The following SFTPB variants were observed in gnomAD, a reference collection of about 807,000 sequenced individuals.
The protein encoded by SFTPB is pulmonary surfactant-associated protein B.
Under a neutral mutation model 51.0 loss-of-function variants are expected in SFTPB, and 32 were observed. That is an observed-to-expected ratio of 0.63 (90% CI 0.47 to 0.84). SFTPB has a LOEUF of 0.84. Among genes scored for constraint, SFTPB ranks in the 40% least tolerant of loss-of-function variants. SFTPB has a pLI of 0.00. For missense variants in SFTPB, 431 were observed against 491.2 expected (o/e 0.88, Z 1.16); for synonymous variants, 211 against 208.5 (o/e 1.01, Z -0.10).
At chr2:85,660,756 T>TAA (rs1177118699) in intron 10 of SFTPB, among the ~76,000 whole-genome samples, 1 of 152,290 alleles carries the variant, frequency 6.6e-6, no homozygotes, top group East Asian at 1.9e-4. Flanking sequence ...TGCCTGGCCT[T>TAA]ACATTTTTTA....
intron 10 of SFTPB, among the ~76,000 whole-genome samples, chr2:85,660,845 C>T (rs1252072706): frequency 6.6e-6 from 1 of 152,180 alleles, no homozygotes; most frequent in African/African-American, 2.4e-5. Context: ...GCCAAGCTTG[C>T]TCTCAAGGTC....
chr2:85,660,598 T>G (rs1446640835), intron 10 of SFTPB, among the ~76,000 whole-genome samples: 1 of 151,972 alleles, frequency 6.6e-6, no homozygotes, highest in Non-Finnish European at 1.5e-5. Context: ...TACAGGCACC[T>G]GCCACCATGC....
chr2:85,662,421 C>T, intron 8 of SFTPB: 1 of 626,918 alleles, frequency 1.6e-6, no homozygotes, highest in Non-Finnish European at 2.4e-6. Flanking sequence ...TCATCTGGTC[C>T]TTGAGACCAG....
intron 4 of SFTPB, 51 bp from the exon 5 acceptor site, chr2:85,665,845 C>T (rs765630139): frequency 1.3e-6 from 2 of 1,583,470 alleles, no homozygotes; most frequent in Admixed American, 3.4e-5. Context: ...GGAAGCCCAC[C>T]CCTATTCAGG....
Position 85,657,441 on chromosome 2 carries a change from C to G in SFTPB, c.*2261G>C, listed in dbSNP as rs1391172295. On this transcript the variant is annotated 3_prime_UTR_variant, in exon 11 of 11. Coordinates refer to ENST00000519937, the MANE Select transcript of SFTPB (RefSeq NM_000542.5). ...TAGTTAGCTATAGATTTACAAATGT[C>G]TACTTAAAATCCAGGAGCCAATGAA... The G allele has an allele frequency of 6.6e-6, 1 of 152,108 alleles. No individual in the cohort carries two copies. The highest frequency in any genetic ancestry group is 1.5e-5 in the Non-Finnish European group (1 of 68,008). The allele number at this position is 152,108 out of a possible 1,614,324, so 9.4% of individuals were successfully genotyped here.
chr2:85,666,488 G>A, intron 4 of SFTPB, 129 bp downstream of exon 4: 1 of 881,912 alleles, frequency 1.1e-6, no homozygotes, highest in South Asian at 1.6e-5. Context: ...TGGCCGGCTT[G>A]GGTGCTGTGT....
intron 3 of SFTPB, 46 bp from the exon 4 acceptor site, chr2:85,666,788 C>T: frequency 6.2e-7 from 1 of 1,612,598 alleles, no homozygotes; most frequent in Non-Finnish European, 8.5e-7. Flanking sequence ...CTGAGGTCTA[C>T]CCCGCCCAAG....
chr2:85,663,995 G>A (rs1279422918), intron 6 of SFTPB, 148 bp from the exon 7 acceptor site: 14 of 763,100 alleles, frequency 1.8e-5, no homozygotes, highest in Non-Finnish European at 2.7e-5. Context: ...AGGACACTGG[G>A]GATCAGAGAG....
chr2:85,663,986 G>A (rs1036282346), intron 6 of SFTPB, 139 bp from the exon 7 acceptor site: 19 of 800,186 alleles, frequency 2.4e-5, no homozygotes, highest in Non-Finnish European at 3.2e-5. Context: ...TCACAAATAA[G>A]GACACTGGGG....
chr2:85,662,365 T>G, intron 8 of SFTPB: 1 of 1,142,248 alleles, frequency 8.8e-7, no homozygotes, highest in Non-Finnish European at 1.2e-6. Flanking sequence ...GCCACCACCC[T>G]CCCCTCCCTC....
rs1305696151 is a variant in SFTPB at position 85,662,363 on chromosome 2, C to T, written c.1003-254G>A. On this transcript the variant is annotated intron_variant, in intron 8 of 10. Coordinates refer to ENST00000519937, the MANE Select transcript of SFTPB (RefSeq NM_000542.5). ...AGAGGGGTGGAATCTCAGCCACCACCCTCCCCTCCCTCCACCTCCATTTCA... is the reference window on the plus strand; with the variant it reads ...AGAGGGGTGGAATCTCAGCCACCACTCTCCCCTCCCTCCACCTCCATTTCA... 12 of 1,144,668 alleles carry T rather than the reference C, an allele frequency of 1.0e-5. No homozygotes were observed. The East Asian group carries it at 2.6e-4, about 25-fold the overall frequency. 70.9% of individuals were successfully genotyped at this position (1,144,668 alleles called of 1,614,324 possible). A position where few individuals can be genotyped will look rare whatever the true frequency, so the allele number is the denominator to read the frequency against.
Position 85,662,104 on chromosome 2 carries a change from C to G in SFTPB, c.1008G>C (p.Lys336Asn). ...VGSWLDREKC[K>N]QFVEQHTPQL... is the part of the protein sequence containing the mutation. ...GGGGCGTGTGCTGCTCCACAAATTG[C>G]TTGCACTGAGGAAGGAGACACACAG... The change falls in exon 9 of 11, where the codon AAG becomes AAC. Residue 336 changes from lysine (K) to asparagine (N), a missense_variant. Transcript: ENST00000519937. 6.2e-7 allele frequency: 1 copy of G among 1,600,714 alleles called. No individual in the cohort carries two copies. The highest frequency in any genetic ancestry group is 1.3e-5 in the African/African-American group (1 of 75,006).
chr2:85,666,391 C>CGTTG (rs1677614767), intron 4 of SFTPB: 1 of 311,308 alleles, frequency 3.2e-6, no homozygotes, highest in African/African-American at 3.2e-5. Flanking sequence ...AGCTGGGGTA[C>CGTTG]TGTGTGTGTG....
At chr2:85,663,159 G>A (rs1476182866) in intron 8 of SFTPB, among the ~76,000 whole-genome samples, 187 bp downstream of exon 8, 2 of 152,216 alleles carry the variant, frequency 1.3e-5, no homozygotes, top group East Asian at 1.9e-4. Flanking sequence ...GTCCAGAGGC[G>A]ACTCCTAACC....
chr2:85,663,240 C>T, intron 8 of SFTPB, 106 bp downstream of exon 8: 1 of 1,458,972 alleles, frequency 6.9e-7, no homozygotes, highest in Non-Finnish European at 9.5e-7. Flanking sequence ...TGTCTGTGCT[C>T]CATTCTGGCC....
intron 10 of SFTPB, among the ~76,000 whole-genome samples, chr2:85,660,735 G>A (rs1254114920): frequency 3.9e-5 from 6 of 152,190 alleles, no homozygotes; most frequent in African/African-American, 7.2e-5. Context: ...GATTACCGGC[G>A]TGAGCCACCA....
At chr2:85,662,816 G>C (rs1231722235) in intron 8 of SFTPB, among the ~76,000 whole-genome samples, 1 of 144,898 alleles carries the variant, frequency 6.9e-6, no homozygotes, top group Non-Finnish European at 1.5e-5. Context: ...CTCCAGCCTG[G>C]GCAACAAGAG....
In SFTPB at chr2:85,665,662, G is replaced by A. The variant is rs3024801; in HGVS notation, c.526C>T (p.Leu176Phe). The part of the protein sequence containing the change: ...DPLPDPLLDK[L>F]VLPVLPGALQ... ...GCCCCGGGCAGCACAGGGAGGACGAGCTTGTCCAGCAGAGGGTCTGGCAGA... is the reference window on the plus strand; with the variant it reads ...GCCCCGGGCAGCACAGGGAGGACGAACTTGTCCAGCAGAGGGTCTGGCAGA... The change falls in exon 5 of 11, where the codon CTC (leucine) becomes TTC (phenylalanine). Residue 176 changes from leucine to phenylalanine, a missense_variant. Transcript: ENST00000519937. 803 of 1,614,180 alleles carry A rather than the reference G, an allele frequency of 5.0e-4. 3 individuals carry two copies. The African/African-American group carries it at 7.7e-3, about 15-fold the overall frequency.
Position 85,659,521 on chromosome 2 carries a change from G to A in SFTPB, c.*181C>T, listed in dbSNP as rs555632775. 240 of 152,520 alleles carry A rather than the reference G, an allele frequency of 1.6e-3. 1 individual carries two copies. Among genetic ancestry groups the A allele is most frequent in the Non-Finnish European group, 2.2e-3 (150 of 68,178 alleles). 9.4% of individuals were successfully genotyped at this position (152,520 alleles called of 1,614,324 possible). On this transcript the variant is annotated 3_prime_UTR_variant, in exon 11 of 11. Transcript: ENST00000519937. Reference sequence around the variant, plus strand: ...AAGGCCGACACAGGGCTGGGGGCCCGTGGTCCACCAGTGGAAGTGACTGCC... The same window carrying A: ...AAGGCCGACACAGGGCTGGGGGCCCATGGTCCACCAGTGGAAGTGACTGCC...
Sources: allele counts gnomAD v4.1 joint callset (sites outside exome capture counted in the v4.1 genomes callset), GRCh38; gene constraint gnomAD v4.1.1; transcripts MANE v1.5; gene names NCBI Gene and HGNC (gene_info 2026-07-23, HGNC 2026-07-21).